KCNQ3: variants seen among roughly 807,000 people sequenced by gnomAD.
The protein encoded by KCNQ3 is potassium voltage-gated channel subfamily Q member 3.
Under a neutral mutation model 92.5 loss-of-function variants are expected in KCNQ3, and 30 were observed. That is an observed-to-expected ratio of 0.32 (90% CI 0.24 to 0.44). The LOEUF (loss-of-function observed/expected upper bound fraction) is 0.44, where lower values mean the gene tolerates loss of function less well. Among genes scored for constraint, KCNQ3 ranks in the 20% least tolerant of loss-of-function variants. KCNQ3 has a pLI of 1.00. For synonymous variants in KCNQ3, 450 were observed against 468.8 expected, an observed-to-expected ratio of 0.96 and a Z score of 0.52; for missense variants, 913 against 1,140.3, an observed-to-expected ratio of 0.80 and a Z score of 2.87.
chr8:132,406,510 A>G (rs2130791207), intron 1 of KCNQ3, among the ~76,000 whole-genome samples: 1 of 151,880 alleles, frequency 6.6e-6, no homozygotes, highest in African/African-American at 2.4e-5. Context: ...AGCCCCACTC[A>G]CTCAGCACAA....
intron 1 of KCNQ3, among the ~76,000 whole-genome samples, chr8:132,236,545 C>A (rs1277120637): frequency 1.3e-5 from 2 of 152,072 alleles, no homozygotes; most frequent in African/African-American, 4.8e-5. Context: ...TGCCATGTGC[C>A]AAGTCTCATG....
chr8:132,324,985 GT>G (rs547590556), intron 1 of KCNQ3, among the ~76,000 whole-genome samples: 2,906 of 142,914 alleles, frequency 0.02, 29 homozygotes, highest in African/African-American at 0.032. Context: ...GTCCTAGTTA[GT>G]TTTTTTTTTT....
intron 1 of KCNQ3, among the ~76,000 whole-genome samples, chr8:132,294,280 C>T (rs745339227): frequency 1.1e-4 from 16 of 152,254 alleles, no homozygotes; most frequent in Non-Finnish European, 1.9e-4. Flanking sequence ...GGATTACAGG[C>T]GTGAGCCACC....
intron 1 of KCNQ3, among the ~76,000 whole-genome samples, chr8:132,441,302 G>C (rs1821528736): frequency 6.6e-6 from 1 of 152,230 alleles, no homozygotes; most frequent in Non-Finnish European, 1.5e-5. Context: ...TGTAATCCCA[G>C]CACTTTGGGA....
intron 1 of KCNQ3, among the ~76,000 whole-genome samples, chr8:132,469,983 G>A (rs1456872882): frequency 6.6e-6 from 1 of 151,954 alleles, no homozygotes; most frequent in Non-Finnish European, 1.5e-5. Context: ...TACAACACAG[G>A]AAGGTCAGCG....
At chr8:132,303,508 G>A (rs1227588857) in intron 1 of KCNQ3, among the ~76,000 whole-genome samples, 1 of 139,434 alleles carries the variant, frequency 7.2e-6, no homozygotes, top group South Asian at 2.4e-4. Context: ...TGGCCAAGAG[G>A]CTGAGAAGAA....
At chr8:132,153,734 GC>G (rs35446698) in intron 9 of KCNQ3, among the ~76,000 whole-genome samples, 84,194 of 150,652 alleles carry the variant, frequency 0.56, 23,708 homozygotes, top group Non-Finnish European at 0.59. Context: ...TACCCCGCAA[GC>G]CCCCCCCCCA....
In KCNQ3 at chr8:132,480,586, G is replaced by C. The variant is rs772067108; in HGVS notation, c.-54C>G. ...TTCTCCGCTGCTGCTCTGGGAAGAA[G>C]GGGCGCTCGGGGTGCGTGAACGAGG... is the stretch of plus-strand genomic sequence containing the variant. On this transcript the variant is annotated 5_prime_UTR_variant, in exon 1 of 15. Coordinates refer to ENST00000388996, the MANE Select transcript of KCNQ3 (RefSeq NM_004519.4). The C allele has an allele frequency of 2.7e-5, 34 of 1,239,808 alleles. No individual in the cohort carries two copies. In the African/African-American group the frequency reaches 4.9e-4, roughly 18 times the overall value. 76.8% of individuals were successfully genotyped at this position (1,239,808 alleles called of 1,614,324 possible).
chr8:132,221,263 C>T (rs1207234731), intron 1 of KCNQ3, among the ~76,000 whole-genome samples: 1 of 152,160 alleles, frequency 6.6e-6, no homozygotes, highest in African/African-American at 2.4e-5. Flanking sequence ...GTGAATAGTG[C>T]CGCAATAAAC....
intron 1 of KCNQ3, among the ~76,000 whole-genome samples, chr8:132,445,052 G>A (rs963106523): frequency 2.0e-5 from 3 of 152,130 alleles, no homozygotes; most frequent in Admixed American, 6.5e-5. Context: ...CTCTGCACCC[G>A]ATCAATATCA....
intron 1 of KCNQ3, among the ~76,000 whole-genome samples, chr8:132,299,833 T>C (rs1817158769): frequency 6.6e-6 from 1 of 152,108 alleles, no homozygotes; most frequent in Non-Finnish European, 1.5e-5. Flanking sequence ...CAATTTAAAT[T>C]CTGTTTATAA....
intron 1 of KCNQ3, among the ~76,000 whole-genome samples, chr8:132,412,554 G>C (rs776739441): frequency 1.3e-5 from 2 of 152,158 alleles, no homozygotes; most frequent in Non-Finnish European, 2.9e-5. Flanking sequence ...CTGGCCACCT[G>C]AGCTGTCTGA....
At chr8:132,358,175 T>C (rs1819067342) in intron 1 of KCNQ3, among the ~76,000 whole-genome samples, 1 of 152,222 alleles carries the variant, frequency 6.6e-6, no homozygotes, top group African/African-American at 2.4e-5. Flanking sequence ...AGTAAATGAA[T>C]GGATGACTCC....
chr8:132,136,791 T>G (rs1825111596), intron 12 of KCNQ3, among the ~76,000 whole-genome samples: 1 of 152,124 alleles, frequency 6.6e-6, no homozygotes, highest in African/African-American at 2.4e-5. Context: ...CATGCATATA[T>G]ATCCACAAAT....
rs1042197781 is a variant in KCNQ3, at chr8:132,297,332, T to G, written c.387-111151A>C. ...GTAGGTTGCGAAAATTTTCTCCCAT[T>G]TTGTAGGTTGCCTGTTCACTCTGAT... is the stretch of plus-strand genomic sequence containing the variant. On this transcript the variant is annotated intron_variant, in intron 1 of 14. Coordinates refer to ENST00000388996, the MANE Select transcript of KCNQ3 (RefSeq NM_004519.4). Among the ~76,000 whole-genome samples, 4 of 152,058 alleles carry G rather than the reference T, an allele frequency of 2.6e-5. No homozygotes were observed. The East Asian group carries it at 7.7e-4, about 29-fold the overall frequency.
At chr8:132,156,847 G>A (rs973628857) in intron 9 of KCNQ3, among the ~76,000 whole-genome samples, 2 of 152,160 alleles carry the variant, frequency 1.3e-5, no homozygotes, top group African/African-American at 4.8e-5. Flanking sequence ...GTAATCCAAT[G>A]ACTGTTGCCT....
At chr8:132,474,461 C>A (rs989024079) in intron 1 of KCNQ3, among the ~76,000 whole-genome samples, 10 of 152,082 alleles carry the variant, frequency 6.6e-5, no homozygotes, top group African/African-American at 2.4e-4. Flanking sequence ...GAAGTGATCA[C>A]CCTCACTCAA....
intron 1 of KCNQ3, among the ~76,000 whole-genome samples, chr8:132,335,270 T>C (rs1281782819): frequency 1.3e-5 from 2 of 152,224 alleles, no homozygotes; most frequent in East Asian, 3.9e-4. Context: ...CAATCTCTTG[T>C]CATCATGATC....
chr8:132,148,115 T>C (rs1410827457), intron 9 of KCNQ3, among the ~76,000 whole-genome samples: 1 of 152,216 alleles, frequency 6.6e-6, no homozygotes, highest in African/African-American at 2.4e-5. Context: ...AGATATTTTA[T>C]TCTTTAAAAT....
Sources: gnomAD v4.1 joint callset for allele counts (sites outside exome capture counted in the v4.1 genomes callset) on GRCh38, gnomAD v4.1.1 for gene constraint, MANE v1.5 for transcripts, NCBI Gene and HGNC (gene_info 2026-07-23, HGNC 2026-07-21) for gene names.